GPR137: variants seen among roughly 807,000 people sequenced by gnomAD.
GPR137 encodes G protein-coupled receptor 137.
A neutral mutation model predicts 38.9 loss-of-function variants in GPR137; 20 were observed. The observed-to-expected ratio is 0.51, with a 90% CI of 0.36 to 0.75. The LOEUF is 0.75. GPR137 is among the 30% of genes least tolerant of loss of function. GPR137 has a pLI of 0.00. For missense variants in GPR137, 456 were observed against 526.4 expected (o/e 0.87, Z 1.31); for synonymous variants, 226 against 235.8 (o/e 0.96, Z 0.38).
upstream of GPR137, chr11:64,284,344 G>A (rs2033699075): frequency 1.2e-6 from 2 of 1,612,846 alleles, no homozygotes; most frequent in Non-Finnish European, 1.7e-6. Context: ...TGCTCACTCG[G>A]CTCAAACTCT....
At position 64,286,497 on chromosome 11, in the gene GPR137, C is replaced by T. The variant is rs766114818; in HGVS notation, c.-28C>T. 1 of 1,589,906 alleles carries T rather than the reference C, an allele frequency of 6.3e-7. No individual in the cohort carries two copies. Among genetic ancestry groups the T allele is most frequent in the Non-Finnish European group, 8.6e-7 (1 of 1,166,982 alleles). ...CCGCCGACAGTCCCTCCTTGTCTGT[C>T]TCCGGGATTCAGGCCTCCCTCCCTG... On this transcript the variant is annotated 5_prime_UTR_variant, in exon 1 of 7. Transcript: ENST00000438980.
Position 64,289,374 on chromosome 11 carries a change from G to T in GPR137, c.*178G>T, listed in dbSNP as rs113784844. ...TTGTGCCGTCCCCCTAGGATGGGGG[G>T]CATGGCCCTGGCTGCCAGATGCCCA... On this transcript the variant is annotated 3_prime_UTR_variant, in exon 7 of 7. Coordinates refer to ENST00000438980, the MANE Select transcript of GPR137 (RefSeq NM_001170880.2). The T allele has an allele frequency of 5.8e-6, 9 of 1,563,080 alleles. No homozygotes were observed. The highest frequency in any genetic ancestry group is 5.4e-5 in the African/African-American group (4 of 73,878).
chr11:64,277,214 A>G (rs1055649765), intron 2 of GPR137, among the ~76,000 whole-genome samples: 3 of 152,144 alleles, frequency 2.0e-5, no homozygotes, highest in Non-Finnish European at 4.4e-5. Flanking sequence ...ACCACACACA[A>G]TCTGCTGCCG....
In GPR137 at chr11:64,288,396, C is replaced by G; in HGVS notation, c.840C>G (p.Leu280=). ...NKGYLVFGLI[L]FVWELLPTTL... ...GCTACCTGGTATTTGGCCTCATCCT[C>G]TTCGTGTGGGAGCTACTGCCCACCA... is the stretch of plus-strand genomic sequence containing the variant. Residue 280 remains leucine (L), a synonymous_variant, in exon 5 of 7, where the codon CTC becomes CTG. Transcript: ENST00000438980. The surrounding 1 kb of genome is among the most constrained non-coding windows in gnomAD (Gnocchi z 5.5). The G allele has an allele frequency of 6.2e-7, 1 of 1,613,954 alleles. No homozygotes were observed. The highest frequency in any genetic ancestry group is 8.5e-7 in the Non-Finnish European group (1 of 1,180,018).
intron 2 of GPR137, 25 bp from the exon 3 acceptor site, chr11:64,287,696 C>CGCGCTGACTGTGCTGTGGCTGCAG: frequency 6.2e-7 from 1 of 1,600,946 alleles, no homozygotes; most frequent in Non-Finnish European, 8.5e-7. Flanking sequence ...GTTGAGGGCC[C>CGCGCTGACTGTGCTGTGGCTGCAG]GCGCTGACTG....
At chr11:64,271,620 G>T (rs1349853773), upstream of GPR137, 9 of 1,492,536 alleles carry the variant, frequency 6.0e-6, no homozygotes, top group Admixed American at 1.4e-4. Context: ...CACCTTAAAG[G>T]AGTCCACAAA....
At chr11:64,287,295 A>G in intron 2 of GPR137, 1 of 985,400 alleles carries the variant, frequency 1.0e-6, no homozygotes, top group South Asian at 4.7e-5. Flanking sequence ...TGGAAGCACC[A>G]AAGCCATATG....
chr11:64,281,214 C>G (rs1172753396), upstream of GPR137, among the ~76,000 whole-genome samples: 1 of 152,208 alleles, frequency 6.6e-6, no homozygotes, highest in East Asian at 1.9e-4. Context: ...GATCTGCCCA[C>G]CTCGAACTAC....
At chr11:64,282,113 T>C (rs1436800124), upstream of GPR137, among the ~76,000 whole-genome samples, 2 of 152,130 alleles carry the variant, frequency 1.3e-5, no homozygotes, top group South Asian at 2.1e-4. Context: ...ACCAGCTCAC[T>C]AGAAGGTAAG....
At chr11:64,270,920 C>T (rs1446091182), upstream of GPR137, among the ~76,000 whole-genome samples, 3 of 134,000 alleles carry the variant, frequency 2.2e-5, no homozygotes, top group African/African-American at 7.7e-5. Context: ...CACACACACA[C>T]ACACACACAC....
In GPR137 at chr11:64,286,607, C is replaced by A; in HGVS notation, c.83C>A (p.Ala28Asp). 1.2e-6 allele frequency: 2 copies of A among 1,614,002 alleles called. No homozygotes were observed. Residue 28 changes from alanine (A) to aspartate (D), a missense_variant, in exon 1 of 7, where the codon GCT becomes GAT. Coordinates refer to ENST00000438980, the MANE Select transcript of GPR137 (RefSeq NM_001170880.2). ...LPPAVTLGLT[A>D]AYTTLYALLF... ...CCTGCTGTGACCCTGGGGCTGACAGCTGCCTACACCACCCTGTATGCCCTG... is the reference window on the plus strand; with the variant it reads ...CCTGCTGTGACCCTGGGGCTGACAGATGCCTACACCACCCTGTATGCCCTG...
At chr11:64,277,068 G>A (rs2033122076) in intron 2 of GPR137, 2 of 702,808 alleles carry the variant, frequency 2.8e-6, no homozygotes, top group Non-Finnish European at 5.3e-6. Flanking sequence ...AGGAAACAGA[G>A]GCACACTTAA....
upstream of GPR137, chr11:64,285,406 G>A (rs2135163090): frequency 1.0e-6 from 1 of 984,816 alleles, no homozygotes; most frequent in African/African-American, 1.7e-5. Context: ...GGCGCGCCGG[G>A]GCGAGGGGCG....
At chr11:64,284,443 G>A (rs1047921787), upstream of GPR137, 3 of 1,603,702 alleles carry the variant, frequency 1.9e-6, no homozygotes, top group Non-Finnish European at 2.5e-6. Flanking sequence ...GAAGGCAGAG[G>A]CAGGTACCCC....
upstream of GPR137, chr11:64,284,896 G>A: frequency 3.5e-6 from 5 of 1,440,388 alleles, no homozygotes; most frequent in Non-Finnish European, 4.5e-6. Context: ...CCTTGGGCGT[G>A]TGTGGGAGCA....
rs371381173 is a variant in GPR137, at chr11:64,286,903, TG to T, written c.357+28del. On this transcript the variant is annotated intron_variant, in intron 1 of 6. Coordinates refer to ENST00000438980, the MANE Select transcript of GPR137 (RefSeq NM_001170880.2). ...CCAGGTAACCAACTGTGGTCCCGGG[TG>T]GGGGGCGGGAGGTGGCAAGCCTCAA... 5 of 1,512,514 alleles carry T rather than the reference TG, an allele frequency of 3.3e-6. No individual in the cohort carries two copies. The Admixed American group carries it at 6.8e-5, about 20-fold the overall frequency. The allele number at this position is 1,512,514 out of a possible 1,614,324, so 93.7% of individuals were successfully genotyped here.
Position 64,289,042 on chromosome 11 carries a change from C to T in GPR137, c.1037C>T (p.Ser346Leu), listed in dbSNP as rs751058609. The change falls in exon 7 of 7, where the codon TCG (serine) becomes TTG (leucine). Residue 346 changes from serine to leucine, a missense_variant. Transcript: ENST00000438980. ...ACCCTGTTTCTCTGCTGCAGTATGT[C>T]GGGCAGTCTAGGCTCTGGGAGCTGG... ...EHSRGESTSM[S>L]GSLGSGSWYG... The T allele has an allele frequency of 2.3e-4, 363 of 1,570,298 alleles. No homozygotes were observed. The highest frequency in any genetic ancestry group is 2.8e-4 in the Non-Finnish European group (331 of 1,162,344).
chr11:64,285,521 G>T, upstream of GPR137: 1 of 985,176 alleles, frequency 1.0e-6, no homozygotes, highest in Non-Finnish European at 1.2e-6. Context: ...CGAGGGACGG[G>T]AATCCGTTGC....
chr11:64,284,151 T>G (rs376887057), upstream of GPR137: 5 of 1,540,324 alleles, frequency 3.2e-6, no homozygotes, highest in Non-Finnish European at 4.4e-6. Context: ...GGGTGAGGTG[T>G]CCCGGCAGGT....
Sources: allele counts gnomAD v4.1 joint callset (sites outside exome capture counted in the v4.1 genomes callset), GRCh38; gene constraint gnomAD v4.1.1; non-coding constraint Gnocchi (gnomAD v3.1); transcripts MANE v1.5; gene names NCBI Gene and HGNC (gene_info 2026-07-23, HGNC 2026-07-21).